The following IL1RAPL2 variants were observed in gnomAD, a reference collection of about 807,000 sequenced individuals.
IL1RAPL2 encodes the protein X-linked interleukin-1 receptor accessory protein-like 2.
Under a neutral mutation model 44.1 loss-of-function variants are expected in IL1RAPL2, and 3 were observed. The observed-to-expected ratio is 0.07, with a 90% CI of 0.03 to 0.18. IL1RAPL2 has a LOEUF of 0.18. Ranked by LOEUF, IL1RAPL2 falls within the 10% of genes least tolerant of loss-of-function variation. IL1RAPL2 has a pLI of 1.00. For missense variants in IL1RAPL2, 391 were observed against 496.4 expected, an observed-to-expected ratio of 0.79 and a Z score of 2.02; for synonymous variants, 181 against 178.8, an observed-to-expected ratio of 1.01 and a Z score of -0.10.
chrX:105,084,410 C>T (rs1291328970), intron 2 of IL1RAPL2, among the ~76,000 whole-genome samples: 3 of 112,938 alleles, frequency 2.7e-5, no homozygotes, highest in Non-Finnish European at 3.7e-5. Flanking sequence ...AAGCCAACCT[C>T]TTTCATTAGC....
intron 1 of IL1RAPL2, among the ~76,000 whole-genome samples, chrX:104,621,851 A>G (rs1929407944): frequency 8.9e-6 from 1 of 111,766 alleles, no homozygotes; most frequent in Admixed American, 9.5e-5. Flanking sequence ...TATGCTGTCA[A>G]TGGATGGAGT....
chrX:104,677,828 C>T (rs886905824), intron 2 of IL1RAPL2, among the ~76,000 whole-genome samples: 17 of 112,040 alleles, frequency 1.5e-4, no homozygotes, highest in Non-Finnish European at 2.6e-4. Flanking sequence ...GTCGGAAAAG[C>T]GCGGTATTCG....
chrX:105,172,249 G>A (rs972546343), intron 2 of IL1RAPL2, among the ~76,000 whole-genome samples: 1 of 112,537 alleles, frequency 8.9e-6, no homozygotes, highest in Non-Finnish European at 1.9e-5. Flanking sequence ...AGGGAAGGAG[G>A]TTGGGGATTA....
chrX:105,726,661 T>G (rs2147561437), intron 7 of IL1RAPL2, among the ~76,000 whole-genome samples: 1 of 110,476 alleles, frequency 9.1e-6, no homozygotes, highest in South Asian at 3.9e-4. Flanking sequence ...CAAACCTGCT[T>G]TGCTGCTTAC....
chrX:105,471,359 G>C (rs1358942237), intron 5 of IL1RAPL2, among the ~76,000 whole-genome samples: 2 of 111,774 alleles, frequency 1.8e-5, no homozygotes, highest in Non-Finnish European at 3.8e-5. Context: ...AGAGTTCTGT[G>C]ATCTAGATAG....
intron 5 of IL1RAPL2, among the ~76,000 whole-genome samples, chrX:105,359,273 G>A (rs1279624569): frequency 1.8e-5 from 2 of 111,634 alleles, no homozygotes. Context: ...TTAAGTAGAT[G>A]TAGAGGAGAA....
intron 1 of IL1RAPL2, among the ~76,000 whole-genome samples, chrX:104,593,517 T>C (rs1475016074): frequency 8.9e-6 from 1 of 111,959 alleles, no homozygotes; most frequent in African/African-American, 3.2e-5. Context: ...AGGTGAGTTA[T>C]TGTGATAACC....
intron 6 of IL1RAPL2, among the ~76,000 whole-genome samples, chrX:105,520,923 C>CTTTCTTTTT (rs2036550531): frequency 1.9e-5 from 1 of 52,372 alleles, no homozygotes; most frequent in African/African-American, 7.4e-5. Context: ...TTCTTTCTTT[C>CTTTCTTTTT]TTTTTTTTTT....
At chrX:105,307,449 A>G (rs1240856967) in intron 5 of IL1RAPL2, among the ~76,000 whole-genome samples, 1 of 68,695 alleles carries the variant, frequency 1.5e-5, no homozygotes, top group African/African-American at 5.7e-5. Context: ...ATATGTGTAT[A>G]TATATTTTAT....
intron 2 of IL1RAPL2, among the ~76,000 whole-genome samples, chrX:104,901,908 C>T (rs1923829438): frequency 8.9e-6 from 1 of 112,202 alleles, no homozygotes; most frequent in Non-Finnish European, 1.9e-5. Context: ...TAGTCCCTCT[C>T]ATTCCCATTA....
intron 2 of IL1RAPL2, among the ~76,000 whole-genome samples, chrX:104,742,181 C>T (rs903249976): frequency 9.0e-6 from 1 of 111,610 alleles, no homozygotes; most frequent in Non-Finnish European, 1.9e-5. Flanking sequence ...GTTATATTCA[C>T]GTTATTCAAT....
At chrX:105,670,328 T>A (rs2037812554) in intron 6 of IL1RAPL2, among the ~76,000 whole-genome samples, 1 of 98,671 alleles carries the variant, frequency 1.0e-5, no homozygotes, top group Non-Finnish European at 2.0e-5. Flanking sequence ...TGAGACGGAG[T>A]CTCGCTCTGT....
chrX:105,479,834 A>G (rs577324450), intron 5 of IL1RAPL2, among the ~76,000 whole-genome samples: 2 of 111,698 alleles, frequency 1.8e-5, no homozygotes, highest in Admixed American at 9.5e-5. Context: ...AGGCTAGACT[A>G]TGACTGCCTT....
intron 2 of IL1RAPL2, among the ~76,000 whole-genome samples, chrX:104,818,133 G>C (rs1316565874): frequency 9.1e-6 from 1 of 109,646 alleles, no homozygotes; most frequent in Non-Finnish European, 1.9e-5. Context: ...GAGGCGGGAG[G>C]ATCATGAGGT....
At chrX:104,942,181 G>A (rs1393303042) in intron 2 of IL1RAPL2, among the ~76,000 whole-genome samples, 4 of 111,752 alleles carry the variant, frequency 3.6e-5, no homozygotes, top group Admixed American at 9.5e-5. Context: ...TTGGAAATGC[G>A]GGTTCTTTTT....
At chrX:105,410,342 A>T (rs143819463) in intron 5 of IL1RAPL2, among the ~76,000 whole-genome samples, 1 of 109,702 alleles carries the variant, frequency 9.1e-6, no homozygotes, top group Non-Finnish European at 1.9e-5. Flanking sequence ...ATAAAGAGAG[A>T]CTATAGGAGG....
chrX:104,886,465 T>C (rs937102487), intron 2 of IL1RAPL2, among the ~76,000 whole-genome samples: 2 of 112,143 alleles, frequency 1.8e-5, no homozygotes, highest in African/African-American at 3.2e-5. Flanking sequence ...TTACAGGATA[T>C]TGTTAAACAT....
chrX:104,868,149 G>A (rs1202772387), intron 2 of IL1RAPL2, among the ~76,000 whole-genome samples: 3 of 112,092 alleles, frequency 2.7e-5, no homozygotes, highest in Admixed American at 1.9e-4. Context: ...GTAGTTTTAA[G>A]TGAGACTATG....
rs1398766054 is a variant in IL1RAPL2 at position 105,720,227 on chromosome X, T to C, written c.902+2731T>C. ...GCTTTATCAGAGTATAATTGACATA[T>C]AATAAATCACACAATTTAAAGTATG... On this transcript the variant is annotated intron_variant, in intron 7 of 10. Transcript: ENST00000372582. Among the ~76,000 whole-genome samples, 5 of 111,887 alleles carry C rather than the reference T, an allele frequency of 4.5e-5. No homozygotes were observed. The Admixed American group carries it at 4.8e-4, about 11-fold the overall frequency.
Sources: allele counts gnomAD v4.1 joint callset (sites outside exome capture counted in the v4.1 genomes callset), GRCh38; gene constraint gnomAD v4.1.1; transcripts MANE v1.5; gene names NCBI Gene and HGNC (gene_info 2026-07-23, HGNC 2026-07-21).